The following NEDD9 variants were observed in gnomAD, a reference collection of about 807,000 sequenced individuals.
NEDD9 encodes the protein enhancer of filamentation 1.
NEDD9 carries 26 observed loss-of-function variants against 76.6 expected under a neutral mutation model. The ratio of observed to expected loss-of-function variants is 0.34; its 90% CI spans 0.25 to 0.47. The LOEUF (loss-of-function observed/expected upper bound fraction) is 0.47. NEDD9 is among the 20% of genes least tolerant of loss of function. NEDD9 has a pLI of 1.00. For missense variants in NEDD9, 937 were observed against 1,058.5 expected (o/e 0.89, Z 1.59); for synonymous variants, 392 against 414.2 (o/e 0.95, Z 0.65).
At chr6:11,232,420 CAGTA>C in intron 1 of NEDD9, 80 bp downstream of exon 1, 1 of 1,530,004 alleles carries the variant, frequency 6.5e-7, no homozygotes, top group Non-Finnish European at 9.1e-7. Flanking sequence ...AAGGGACTGA[CAGTA>C]AGGAACACGC....
chr6:11,308,797 A>G (rs1397662599), intron 2 of NEDD9, among the ~76,000 whole-genome samples: 1 of 152,192 alleles, frequency 6.6e-6, no homozygotes, highest in Non-Finnish European at 1.5e-5. Context: ...GTCATGCTCC[A>G]AGGAATCCTG....
intron 1 of NEDD9, among the ~76,000 whole-genome samples, chr6:11,353,227 T>G (rs138748348): frequency 2.3e-3 from 343 of 152,266 alleles, no homozygotes; most frequent in African/African-American, 7.7e-3. Flanking sequence ...CATGAAAGGG[T>G]ATGTGGGAGT....
intron 1 of NEDD9, among the ~76,000 whole-genome samples, chr6:11,372,742 G>A (rs1762899406): frequency 6.6e-6 from 1 of 152,136 alleles, no homozygotes; most frequent in African/African-American, 2.4e-5. Flanking sequence ...ATTTCTCTGA[G>A]GATCAGTGAT....
intron 3 of NEDD9, among the ~76,000 whole-genome samples, chr6:11,283,680 C>T (rs1760583241): frequency 6.6e-6 from 1 of 152,144 alleles, no homozygotes; most frequent in African/African-American, 2.4e-5. Flanking sequence ...ATCTTGAGTG[C>T]TTTTCTCTTT....
intron 2 of NEDD9, among the ~76,000 whole-genome samples, chr6:11,322,218 C>G (rs1048403464): frequency 1.3e-5 from 2 of 152,096 alleles, no homozygotes; most frequent in Non-Finnish European, 2.9e-5. Context: ...GGACAAATAT[C>G]TAATGCATGC....
chr6:11,210,184 G>C (rs1273838153), intron 2 of NEDD9, among the ~76,000 whole-genome samples: 1 of 152,068 alleles, frequency 6.6e-6, no homozygotes, highest in African/African-American at 2.4e-5. Context: ...TATGCAAGGA[G>C]CTCAATAAGA....
chr6:11,201,053 A>T (rs1408152695), intron 2 of NEDD9: 1 of 1,614,238 alleles, frequency 6.2e-7, no homozygotes, highest in South Asian at 1.1e-5. Context: ...ACACCTAGAG[A>T]CAAAGCATTT....
chr6:11,219,612 C>T (rs1370266082), intron 1 of NEDD9, among the ~76,000 whole-genome samples: 1 of 152,244 alleles, frequency 6.6e-6, no homozygotes, highest in East Asian at 1.9e-4. Flanking sequence ...AAATGGCCAT[C>T]ATCAAGGAAG....
chr6:11,313,910 T>C (rs1432460074), intron 2 of NEDD9, among the ~76,000 whole-genome samples: 2 of 152,224 alleles, frequency 1.3e-5, no homozygotes, highest in Non-Finnish European at 2.9e-5. Flanking sequence ...CCTTCCCAAC[T>C]GCAATAGACT....
intron 3 of NEDD9, among the ~76,000 whole-genome samples, chr6:11,284,946 A>C (rs2113364968): frequency 6.6e-6 from 1 of 152,216 alleles, no homozygotes; most frequent in South Asian, 2.1e-4. Flanking sequence ...TATTTTCTGC[A>C]TTAAGCTGAT....
intron 3 of NEDD9, among the ~76,000 whole-genome samples, chr6:11,244,508 C>A (rs1759771005): frequency 6.6e-6 from 1 of 152,144 alleles, no homozygotes; most frequent in Non-Finnish European, 1.5e-5. Flanking sequence ...ATTTAAATAT[C>A]AATATTTAAG....
rs1041774378 is a variant in NEDD9, at chr6:11,198,354, C to T, written c.460-4662G>A. ...CAGGCTCTGCACCAACTCCCTCCCT[C>T]GGCGAGAACTGAGCTGTCCATTTCC... is the stretch of plus-strand genomic sequence containing the variant. On this transcript the variant is annotated intron_variant, in intron 2 of 6. Coordinates refer to ENST00000379446, the MANE Select transcript of NEDD9 (RefSeq NM_006403.4). This position sits in a 1 kb window ranked among gnomAD's most constrained non-coding sequence, Gnocchi z 4.7. The T allele has an allele frequency of 1.3e-5, 2 of 152,240 alleles. No homozygotes were observed. The highest frequency in any genetic ancestry group is 2.9e-5 in the Non-Finnish European group (2 of 68,086). 9.4% of individuals were successfully genotyped at this position (152,240 alleles called of 1,614,324 possible).
intron 3 of NEDD9, among the ~76,000 whole-genome samples, chr6:11,283,706 T>C (rs1383372361): frequency 1.3e-5 from 2 of 152,228 alleles, no homozygotes; most frequent in East Asian, 3.8e-4. Flanking sequence ...ACTTTAATAC[T>C]GTCTCCTACA....
At chr6:11,337,063 C>G (rs1451713970) in intron 1 of NEDD9, among the ~76,000 whole-genome samples, 1 of 152,098 alleles carries the variant, frequency 6.6e-6, no homozygotes, top group Non-Finnish European at 1.5e-5. Context: ...ACTAAAAATA[C>G]AAAAATTATC....
chr6:11,314,320 G>C (rs6918500), intron 2 of NEDD9, among the ~76,000 whole-genome samples: 82,385 of 151,944 alleles, frequency 0.54, 22,789 homozygotes, highest in East Asian at 0.77. Context: ...AAATGAGGAC[G>C]TAGGATGAAG....
At chr6:11,290,821 G>A (rs902290323) in intron 3 of NEDD9, among the ~76,000 whole-genome samples, 4 of 152,200 alleles carry the variant, frequency 2.6e-5, no homozygotes, top group African/African-American at 9.7e-5. Flanking sequence ...GAAAGGGGCA[G>A]CTAACATCTC....
chr6:11,364,798 C>T (rs1762734607), intron 1 of NEDD9, among the ~76,000 whole-genome samples: 2 of 152,200 alleles, frequency 1.3e-5, no homozygotes, highest in South Asian at 4.1e-4. Flanking sequence ...GCAGAAAGTC[C>T]CTGAGGCTGA....
chr6:11,279,658 T>TCAC (rs1760492614), intron 3 of NEDD9, among the ~76,000 whole-genome samples: 2 of 152,202 alleles, frequency 1.3e-5, no homozygotes, highest in Non-Finnish European at 2.9e-5. Flanking sequence ...TGTTGTGATG[T>TCAC]GAGGATGGCT....
At chr6:11,306,029 TG>T in exon 3 of NEDD9, 2 of 1,613,950 alleles carry the variant, frequency 1.2e-6, no homozygotes, top group South Asian at 2.2e-5. Flanking sequence ...GATGCAGCTC[TG>T]GATGTTGGAA....
Sources: gnomAD v4.1 joint callset for allele counts (sites outside exome capture counted in the v4.1 genomes callset) on GRCh38, gnomAD v4.1.1 for gene constraint, Gnocchi (gnomAD v3.1) non-coding constraint, MANE v1.5 for transcripts, NCBI Gene and HGNC (gene_info 2026-07-23, HGNC 2026-07-21) for gene names.